Variants in PPA2 observed in about 807,000 individuals in gnomAD.
The protein encoded by PPA2 is inorganic pyrophosphatase 2, also known as inorganic pyrophosphatase 2, mitochondrial.
In PPA2, 48 loss-of-function variants were observed where a neutral mutation model predicts 49.5. The ratio of observed to expected loss-of-function variants is 0.97; its 90% confidence interval spans 0.77 to 1.23. The LOEUF is 1.23. Ranked by LOEUF, PPA2 falls within the 50% of genes most tolerant of loss-of-function variation. The pLI is 0.00. For missense variants in PPA2, 429 were observed against 410.1 expected (o/e 1.05, Z -0.40); for synonymous variants, 131 against 139.9 (o/e 0.94, Z 0.45).
At chr4:105,422,090 G>A (rs982575252) in intron 7 of PPA2, among the ~76,000 whole-genome samples, 2 of 151,950 alleles carry the variant, frequency 1.3e-5, no homozygotes, top group African/African-American at 4.8e-5. Flanking sequence ...TAGGAGAAGA[G>A]TACTTTAAGT....
At chr4:105,471,940 T>C (rs747396253) in intron 1 of PPA2, among the ~76,000 whole-genome samples, 2 of 152,228 alleles carry the variant, frequency 1.3e-5, no homozygotes, top group Non-Finnish European at 2.9e-5. Context: ...GAAAAACGTA[T>C]TTTATTTGTG....
At chr4:105,419,258 T>A (rs751243530) in intron 7 of PPA2, among the ~76,000 whole-genome samples, 7 of 152,200 alleles carry the variant, frequency 4.6e-5, no homozygotes, top group Non-Finnish European at 1.0e-4. Context: ...CTGCGCCCAT[T>A]AACTCGTCAT....
chr4:105,430,243 G>A (rs758100364), intron 6 of PPA2, among the ~76,000 whole-genome samples: 9 of 152,194 alleles, frequency 5.9e-5, no homozygotes, highest in Non-Finnish European at 1.0e-4. Flanking sequence ...AATAAATCCT[G>A]TCAGAATATT....
At position 105,378,817 on chromosome 4, in the gene PPA2, A is replaced by G. The variant is rs143120497; in HGVS notation, c.939+7750T>C. ...TGTTGAAAAAAATATCATTTTGAAA[A>G]TCAGTTGTCCAAATATATGTAGGTC... is the stretch of plus-strand genomic sequence containing the variant. On this transcript the variant is annotated intron_variant, in intron 10 of 11. Transcript: ENST00000341695. Among the ~76,000 whole-genome samples, 377 of 152,260 alleles carry G rather than the reference A, an allele frequency of 2.5e-3. 2 individuals are homozygous for G. The highest frequency in any genetic ancestry group is 8.8e-3 in the African/African-American group (365 of 41,574).
chr4:105,406,300 G>C (rs1046392721), intron 7 of PPA2, among the ~76,000 whole-genome samples: 1 of 152,034 alleles, frequency 6.6e-6, no homozygotes, highest in Non-Finnish European at 1.5e-5. Flanking sequence ...GACTGGAAGC[G>C]TGTTAGTGAT....
intron 7 of PPA2, among the ~76,000 whole-genome samples, chr4:105,413,864 A>G (rs1722875946): frequency 6.6e-6 from 1 of 152,266 alleles, no homozygotes; most frequent in African/African-American, 2.4e-5. Context: ...AAAGTGATGT[A>G]TTAAAAAAGA....
intron 7 of PPA2, chr4:105,399,772 C>T (rs1201445821): frequency 6.6e-6 from 1 of 152,290 alleles, no homozygotes; most frequent in East Asian, 1.9e-4. Flanking sequence ...ATCATATACA[C>T]AGCAATCTCC....
chr4:105,374,989 G>T (rs969636280), intron 10 of PPA2, among the ~76,000 whole-genome samples: 3 of 151,756 alleles, frequency 2.0e-5, no homozygotes, highest in Non-Finnish European at 4.4e-5. Flanking sequence ...ACTGTGCCCA[G>T]CCGGACATTG....
At chr4:105,375,186 A>G (rs577726893) in intron 10 of PPA2, among the ~76,000 whole-genome samples, 3 of 152,254 alleles carry the variant, frequency 2.0e-5, no homozygotes, top group African/African-American at 7.2e-5. Context: ...CTTCCTCTTC[A>G]AGAATGCATT....
At chr4:105,469,361 ATTCT>A (rs897563277) in intron 1 of PPA2, among the ~76,000 whole-genome samples, 2 of 152,194 alleles carry the variant, frequency 1.3e-5, no homozygotes, top group African/African-American at 4.8e-5. Context: ...TATCTATGTG[ATTCT>A]TTCTCTCACA....
At chr4:105,375,030 A>C (rs775350946) in intron 10 of PPA2, among the ~76,000 whole-genome samples, 1 of 151,706 alleles carries the variant, frequency 6.6e-6, no homozygotes, top group Non-Finnish European at 1.5e-5. Flanking sequence ...ACACTTCATA[A>C]AGCAGTTATG....
Position 105,449,011 on chromosome 4 carries a change from G to A in PPA2, c.321+339C>T, listed in dbSNP as rs927830125. Among the ~76,000 whole-genome samples, 8 of 126,344 alleles carry A rather than the reference G, an allele frequency of 6.3e-5. No homozygotes were observed. In the East Asian group the frequency reaches 1.5e-3, roughly 24 times the overall value. The allele number at this position is 126,344 out of a possible 152,430, so 82.9% of individuals were successfully genotyped here. On this transcript the variant is annotated intron_variant, in intron 4 of 11. Transcript: ENST00000341695. ...AGGCGGGCGGATCACGAGGTCAGGA[G>A]ATCGAGACCATCCCGGCTAAAACGG...
At chr4:105,416,269 G>A (rs748855132) in intron 7 of PPA2, among the ~76,000 whole-genome samples, 1 of 152,162 alleles carries the variant, frequency 6.6e-6, no homozygotes, top group Non-Finnish European at 1.5e-5. Flanking sequence ...AACACAAAGT[G>A]AAGAAAGCAT....
chr4:105,410,412 T>C (rs1045687786), intron 7 of PPA2, among the ~76,000 whole-genome samples: 3 of 152,188 alleles, frequency 2.0e-5, no homozygotes, highest in African/African-American at 4.8e-5. Flanking sequence ...TATGGGACTA[T>C]GTGAAAAGAC....
At chr4:105,450,205 G>C (rs980775785) in intron 3 of PPA2, among the ~76,000 whole-genome samples, 5 of 152,184 alleles carry the variant, frequency 3.3e-5, no homozygotes, top group African/African-American at 1.2e-4. Context: ...AATTTATCAA[G>C]GAAACAACGA....
At chr4:105,424,125 CTTCTT>C in intron 7 of PPA2, 66 bp downstream of exon 7, 2 of 1,513,324 alleles carry the variant, frequency 1.3e-6, no homozygotes, top group Non-Finnish European at 1.8e-6. Context: ...CCTATGTGAA[CTTCTT>C]TTAAGTTCTC....
At chr4:105,469,222 G>A (rs1410165673) in intron 1 of PPA2, among the ~76,000 whole-genome samples, 1 of 152,176 alleles carries the variant, frequency 6.6e-6, no homozygotes, top group African/African-American at 2.4e-5. Context: ...TCAAAAATCA[G>A]ATTGTGTCCT....
intron 7 of PPA2, among the ~76,000 whole-genome samples, chr4:105,403,962 A>T (rs1312764860): frequency 6.6e-6 from 1 of 151,262 alleles, no homozygotes; most frequent in East Asian, 1.9e-4. Flanking sequence ...TTCTAATCAC[A>T]TGAGTTTGCC....
At chr4:105,416,254 G>C (rs2726468) in intron 7 of PPA2, among the ~76,000 whole-genome samples, 3 of 151,942 alleles carry the variant, frequency 2.0e-5, no homozygotes, top group Admixed American at 2.0e-4. Flanking sequence ...TCTCCACCCA[G>C]CCATAACACA....
Sources: gnomAD v4.1 joint callset for allele counts (sites outside exome capture counted in the v4.1 genomes callset) on GRCh38, gnomAD v4.1.1 for gene constraint, MANE v1.5 for transcripts, NCBI Gene and HGNC (gene_info 2026-07-23, HGNC 2026-07-21) for gene names.